The following RAB37 variants were observed in gnomAD, a reference collection of about 807,000 sequenced individuals.
RAB37 encodes the protein RAB37, member RAS oncogene family.
RAB37 carries 29 observed loss-of-function variants against 33.1 expected under a neutral mutation model. The observed-to-expected ratio is 0.88, with a 90% CI of 0.65 to 1.20. The LOEUF (loss-of-function observed/expected upper bound fraction) is 1.20. Among genes scored for constraint, RAB37 ranks in the 50% most tolerant of loss-of-function variants. The pLI, the probability that RAB37 is intolerant of heterozygous loss-of-function variation, is 0.00. For synonymous variants in RAB37, 128 were observed against 119.5 expected, an observed-to-expected ratio of 1.07 and a Z score of -0.47; for missense variants, 299 against 301.1, an observed-to-expected ratio of 0.99 and a Z score of 0.05.
chr17:74,725,085 C>A (rs781645911), intron 1 of RAB37, among the ~76,000 whole-genome samples: 1 of 152,178 alleles, frequency 6.6e-6, no homozygotes, highest in Admixed American at 6.5e-5. Flanking sequence ...AATCTTCCCT[C>A]CTGAACAAAA....
chr17:74,745,260 C>T lies in RAB37; in HGVS notation c.567-46C>T, dbSNP rs2034730393. The stretch of plus-strand genomic sequence containing the variant: ...GGGGAGGGGGCGGCTCAGCTCCTCA[C>T]CCCAGCCCAGCCCAGCCCAGCCCAG... On this transcript the variant is annotated intron_variant, in intron 8 of 8. Coordinates refer to ENST00000392613, the MANE Select transcript of RAB37 (RefSeq NM_001006638.3). The surrounding 1 kb of genome is among the most constrained non-coding windows in gnomAD (Gnocchi z 4.5). 3 of 1,583,844 alleles carry T rather than the reference C, an allele frequency of 1.9e-6. No individual in the cohort carries two copies. The highest frequency in any genetic ancestry group is 2.2e-5 in the South Asian group (2 of 90,418).
chr17:74,743,880 T>C (rs1445133741), intron 5 of RAB37, among the ~76,000 whole-genome samples: 1 of 152,178 alleles, frequency 6.6e-6, no homozygotes, highest in South Asian at 2.1e-4. Context: ...AAAACGTTTA[T>C]ATAGAAAGAG....
Position 74,744,709 on chromosome 17 carries a change from C to A in RAB37, c.433-164C>A. 2 of 780,012 alleles carry A rather than the reference C, an allele frequency of 2.6e-6. No homozygotes were observed. Among genetic ancestry groups the A allele is most frequent in the Non-Finnish European group, 4.3e-6 (2 of 463,358 alleles). 48.3% of individuals were successfully genotyped at this position (780,012 alleles called of 1,614,324 possible). On this transcript the variant is annotated intron_variant, in intron 6 of 8. Coordinates refer to ENST00000392613, the MANE Select transcript of RAB37 (RefSeq NM_001006638.3). This position sits in a 1 kb window ranked among gnomAD's most constrained non-coding sequence, Gnocchi z 4.2. ...CTTTACCAAAGGTGAGATCCCAGAG[C>A]TGGGAGCTACACTGGGCAGAAACCC...
intron 1 of RAB37, among the ~76,000 whole-genome samples, chr17:74,720,085 T>C (rs2034218848): frequency 6.6e-6 from 1 of 152,198 alleles, no homozygotes; most frequent in Admixed American, 6.5e-5. Flanking sequence ...GAGAGTTCCT[T>C]TGACCCTTTT....
intron 1 of RAB37, among the ~76,000 whole-genome samples, chr17:74,722,085 G>C (rs2034249088): frequency 6.6e-6 from 1 of 151,914 alleles, no homozygotes; most frequent in Non-Finnish European, 1.5e-5. Context: ...CACGAGGTCA[G>C]GAGATCGAGA....
intron 1 of RAB37, among the ~76,000 whole-genome samples, chr17:74,702,451 A>G (rs969956638): frequency 1.3e-5 from 2 of 152,256 alleles, no homozygotes; most frequent in Non-Finnish European, 2.9e-5. Context: ...AGGAAAGGTC[A>G]AAGAAAACAA....
intron 1 of RAB37, among the ~76,000 whole-genome samples, chr17:74,689,472 A>G (rs1421567617): frequency 6.6e-6 from 1 of 152,140 alleles, no homozygotes; most frequent in Non-Finnish European, 1.5e-5. Context: ...AAGAAAGAAA[A>G]GAAAAAATAC....
chr17:74,693,408 C>A (rs1428407727), intron 1 of RAB37, among the ~76,000 whole-genome samples: 1 of 152,080 alleles, frequency 6.6e-6, no homozygotes, highest in African/African-American at 2.4e-5. Context: ...GGAGAGAAAC[C>A]ATCAGAAGGC....
intron 1 of RAB37, among the ~76,000 whole-genome samples, chr17:74,678,623 T>G (rs2031890773): frequency 6.6e-6 from 1 of 152,114 alleles, no homozygotes; most frequent in Non-Finnish European, 1.5e-5. Context: ...GTGCTTAAGT[T>G]CAAATTTTCT....
intron 1 of RAB37, among the ~76,000 whole-genome samples, chr17:74,699,334 C>G (rs1418806152): frequency 2.0e-5 from 3 of 152,190 alleles, no homozygotes; most frequent in Non-Finnish European, 4.4e-5. Flanking sequence ...TGCCTCTACA[C>G]CTGCCCTCTC....
intron 5 of RAB37, 136 bp downstream of exon 5, chr17:74,743,476 A>G: frequency 1.2e-6 from 1 of 863,478 alleles, no homozygotes; most frequent in Non-Finnish European, 1.9e-6. Flanking sequence ...CCTACTTGTG[A>G]CTCAGAAGTC....
In RAB37 at chr17:74,746,613, A is replaced by C. The variant is rs1036566716; in HGVS notation, c.*1202A>C. On this transcript the variant is annotated 3_prime_UTR_variant, in exon 9 of 9. Transcript: ENST00000392613. This position sits in a 1 kb window ranked among gnomAD's most constrained non-coding sequence, Gnocchi z 5.2. ...TGAAGTGTTTAGCCCTCCTGGGTTA[A>C]GAGCCAGATAAGGAGAAATCCCTTT... 3 of 152,214 alleles carry C rather than the reference A, an allele frequency of 2.0e-5. No homozygotes were observed. Among genetic ancestry groups the C allele is most frequent in the Non-Finnish European group, 2.9e-5 (2 of 68,032 alleles). The allele number at this position is 152,214 out of a possible 1,614,324, so 9.4% of individuals were successfully genotyped here. A position where few individuals can be genotyped will look rare whatever the true frequency, so the allele number is the denominator to read the frequency against.
In RAB37 at chr17:74,744,556, C is replaced by A; in HGVS notation, c.432+183C>A. The A allele has an allele frequency of 1.5e-6, 1 of 654,464 alleles. No homozygotes were observed. The highest frequency in any genetic ancestry group is 2.7e-6 in the Non-Finnish European group (1 of 376,146). The allele number at this position is 654,464 out of a possible 1,614,324, so 40.5% of individuals were successfully genotyped here. On this transcript the variant is annotated intron_variant, in intron 6 of 8. Coordinates refer to ENST00000392613, the MANE Select transcript of RAB37 (RefSeq NM_001006638.3). The surrounding 1 kb of genome is among the most constrained non-coding windows in gnomAD (Gnocchi z 4.2). ...CCATCTGCCCCTTCCAGGGAAAGTC[C>A]AAGTTGTTGCCTGAGAAATCAAGGG...
At chr17:74,695,034 A>G (rs1450290300) in intron 1 of RAB37, 23 of 1,540,470 alleles carry the variant, frequency 1.5e-5, no homozygotes, top group African/African-American at 4.1e-5. Context: ...CAGGGGGCAG[A>G]CGGTCGATGA....
chr17:74,704,543 T>G, intron 1 of RAB37: 1 of 1,614,158 alleles, frequency 6.2e-7, no homozygotes, highest in Non-Finnish European at 8.5e-7. Flanking sequence ...TCCACACCAG[T>G]AAGTGTCAGC....
chr17:74,736,716 G>T, upstream of RAB37: 1 of 1,535,720 alleles, frequency 6.5e-7, no homozygotes, highest in South Asian at 1.2e-5. Context: ...ACACCGCAGC[G>T]TACATGTGCT....
Position 74,729,354 on chromosome 17 carries a change from C to CAT in RAB37, c.172_173dup (p.Gly59SerfsTer8). On this transcript the variant is annotated frameshift_variant, in exon 2 of 8. Transcript: ENST00000340415. LOFTEE classifies it high-confidence loss of function. This position sits in a 1 kb window ranked among gnomAD's most constrained non-coding sequence, Gnocchi z 4.2. ...CCGGCTCCTTCTCGGCCACTGTGGG[C>CAT]ATCGGATTCACGGTAAGCACTGGCC... 1 of 1,613,532 alleles carries CAT rather than the reference C, an allele frequency of 6.2e-7. No homozygotes were observed. Among genetic ancestry groups the CAT allele is most frequent in the South Asian group, 1.1e-5 (1 of 91,072 alleles).
upstream of RAB37, among the ~76,000 whole-genome samples, chr17:74,732,421 C>T (rs572973728): frequency 2.7e-5 from 4 of 149,550 alleles, no homozygotes; most frequent in South Asian, 2.1e-4. Context: ...TTTCTGCCAT[C>T]GACCTGGATA....
chr17:74,725,214 C>T (rs1377310361), intron 1 of RAB37, among the ~76,000 whole-genome samples: 3 of 152,126 alleles, frequency 2.0e-5, no homozygotes, highest in African/African-American at 7.2e-5. Context: ...CCACAAGCTC[C>T]TCTCCTTCTC....
Sources: allele counts gnomAD v4.1 joint callset (sites outside exome capture counted in the v4.1 genomes callset), GRCh38; gene constraint gnomAD v4.1.1; non-coding constraint Gnocchi (gnomAD v3.1); transcripts MANE v1.5; gene names NCBI Gene and HGNC (gene_info 2026-07-23, HGNC 2026-07-21).